Variants in LSM12 observed in about 807,000 individuals in gnomAD.
LSM12 encodes the protein protein LSM12.
For missense variants in LSM12, 108 were observed against 238.9 expected, an observed-to-expected ratio of 0.45 and a Z score of 3.61; for synonymous variants, 74 against 87.3, an observed-to-expected ratio of 0.85 and a Z score of 0.85.
At chr17:44,054,996 G>T (rs747527408) in intron 2 of LSM12, among the ~76,000 whole-genome samples, 3 of 151,744 alleles carry the variant, frequency 2.0e-5, no homozygotes, top group Non-Finnish European at 2.9e-5. Flanking sequence ...GTGCCACCAC[G>T]CCCGGCTAAT....
Position 44,037,423 on chromosome 17 carries a change from C to T in LSM12, c.484G>A (p.Val162Ile), listed in dbSNP as rs1360700538. 1 of 1,594,000 alleles carries T rather than the reference C, an allele frequency of 6.3e-7. No individual in the cohort carries two copies. Among genetic ancestry groups the T allele is most frequent in the Non-Finnish European group, 8.5e-7 (1 of 1,172,422 alleles). The part of the protein sequence containing the change: ...KGKEGSALSH[V>I]RKIVEKHFRD... Reference sequence around the variant, plus strand: ...GCTCCTTTACTTACTATTTTGCGTACATGGCTCAGTGCACTCCCCTCTTTG... The same window carrying T: ...GCTCCTTTACTTACTATTTTGCGTATATGGCTCAGTGCACTCCCCTCTTTG... Residue 162 changes from valine to isoleucine, a missense_variant, in exon 4 of 5, where the codon GTA becomes ATA. Coordinates refer to ENST00000293406, the MANE Select transcript of LSM12 (RefSeq NM_001371445.1).
chr17:44,038,257 G>T (rs1386739752), intron 3 of LSM12, among the ~76,000 whole-genome samples: 1 of 151,330 alleles, frequency 6.6e-6, no homozygotes, highest in Non-Finnish European at 1.5e-5. Context: ...CGGGGGCTGA[G>T]GTGGGAGAAT....
chr17:44,055,262 C>A (rs1299047902), intron 2 of LSM12, among the ~76,000 whole-genome samples: 1 of 152,052 alleles, frequency 6.6e-6, no homozygotes, highest in East Asian at 1.9e-4. Flanking sequence ...TTCCCACATT[C>A]ACATACCTTC....
intron 3 of LSM12, among the ~76,000 whole-genome samples, chr17:44,038,911 C>T (rs1288020109): frequency 6.6e-6 from 1 of 151,444 alleles, no homozygotes; most frequent in Admixed American, 6.6e-5. Flanking sequence ...TGCCAGCTGC[C>T]ATCTGTGCAC....
chr17:44,041,010 T>TACATAC (rs1359322414), intron 2 of LSM12, among the ~76,000 whole-genome samples: 1 of 148,556 alleles, frequency 6.7e-6, no homozygotes, highest in Non-Finnish European at 1.5e-5. Flanking sequence ...CAAAAAAAAA[T>TACATAC]ACATACACAT....
In LSM12 at chr17:44,036,320, C is replaced by A. The variant is rs1408379046; in HGVS notation, c.496-20G>T. On this transcript the variant is annotated intron_variant, in intron 4 of 4. Coordinates refer to ENST00000293406, the MANE Select transcript of LSM12 (RefSeq NM_001371445.1). ...TTCAACCTGAAAAAGACCAGGCAACCCAGGTCAACAAAGGAGATGCGGAAG... is the reference window on the plus strand; with the variant it reads ...TTCAACCTGAAAAAGACCAGGCAACACAGGTCAACAAAGGAGATGCGGAAG... 1 of 1,613,940 alleles carries A rather than the reference C, an allele frequency of 6.2e-7. No individual in the cohort carries two copies. The highest frequency in any genetic ancestry group is 1.7e-5 in the Admixed American group (1 of 60,002).
At chr17:44,063,754 A>G in intron 2 of LSM12, 47 bp downstream of exon 2, 1 of 1,577,652 alleles carries the variant, frequency 6.3e-7, no homozygotes, top group South Asian at 1.2e-5. Context: ...AATGAGACTC[A>G]TCTTTCCCAC....
intron 2 of LSM12, among the ~76,000 whole-genome samples, chr17:44,060,376 A>T (rs1321053332): frequency 1.3e-5 from 2 of 152,184 alleles, no homozygotes; most frequent in Non-Finnish European, 2.9e-5. Context: ...ACATGTTAAT[A>T]GCTGCCCGAA....
chr17:44,041,911 G>A (rs2049499958), intron 2 of LSM12, among the ~76,000 whole-genome samples: 1 of 152,230 alleles, frequency 6.6e-6, no homozygotes, highest in African/African-American at 2.4e-5. Context: ...AACATGAACA[G>A]CTGAGTCTAA....
intron 2 of LSM12, among the ~76,000 whole-genome samples, chr17:44,047,026 G>A (rs559120242): frequency 8.6e-5 from 13 of 151,802 alleles, no homozygotes; most frequent in South Asian, 6.3e-4. Flanking sequence ...CACAGCGCCC[G>A]GCCCTAATGT....
intron 2 of LSM12, among the ~76,000 whole-genome samples, chr17:44,042,660 G>A (rs1182172401): frequency 6.6e-6 from 1 of 150,886 alleles, no homozygotes; most frequent in Non-Finnish European, 1.5e-5. Context: ...CACCTCCCAG[G>A]TTCACGTCAT....
Position 44,046,763 on chromosome 17 carries a change from T to C in LSM12, c.259-6507A>G, listed in dbSNP as rs1341272022. ...AACTGTTTTCTTTTTTTTTTTCTTT[T>C]TTTTTTTTTTTTGCTGGAGTGCAAT... On this transcript the variant is annotated intron_variant, in intron 2 of 4. Transcript: ENST00000293406. Among the ~76,000 whole-genome samples, 6 of 141,754 alleles carry C rather than the reference T, an allele frequency of 4.2e-5. No individual in the cohort carries two copies. The South Asian group carries it at 1.1e-3, about 27-fold the overall frequency. 93.0% of individuals were successfully genotyped at this position (141,754 alleles called of 152,430 possible).
chr17:44,049,867 A>C (rs928692603), intron 2 of LSM12, among the ~76,000 whole-genome samples: 2 of 152,150 alleles, frequency 1.3e-5, no homozygotes, highest in Non-Finnish European at 2.9e-5. Flanking sequence ...TACTGACTCC[A>C]ATGAGCCACT....
intron 2 of LSM12, among the ~76,000 whole-genome samples, chr17:44,058,985 A>G (rs542970266): frequency 6.6e-6 from 1 of 152,186 alleles, no homozygotes; most frequent in South Asian, 2.1e-4. Context: ...GCCTGGGCAC[A>G]GTGCGAGACT....
intron 2 of LSM12, among the ~76,000 whole-genome samples, chr17:44,041,302 C>CACACACACACACACACAA (rs2049488142): frequency 7.8e-6 from 1 of 127,424 alleles, no homozygotes; most frequent in Non-Finnish European, 1.7e-5. Flanking sequence ...CACACACACA[C>CACACACACACACACACAA]ACACACACAC....
chr17:44,051,389 CAAAAAA>C (rs57974319), intron 2 of LSM12, among the ~76,000 whole-genome samples: 1 of 114,954 alleles, frequency 8.7e-6, no homozygotes, highest in African/African-American at 4.1e-5. Flanking sequence ...GACTCCGTCT[CAAAAAA>C]AAAAAAAAAA....
chr17:44,044,538 A>G (rs1022165581), intron 2 of LSM12, among the ~76,000 whole-genome samples: 8 of 152,198 alleles, frequency 5.3e-5, no homozygotes, highest in Non-Finnish European at 8.8e-5. Context: ...TTTGCCCCCA[A>G]TATACTCAAC....
At chr17:44,067,475 T>C (rs1043670724), upstream of LSM12, 4 of 152,232 alleles carry the variant, frequency 2.6e-5, no homozygotes, top group Non-Finnish European at 4.4e-5. Context: ...ATTTGTATTG[T>C]CACTTCTTGA....
chr17:44,064,168 T>G (rs988279290), intron 1 of LSM12, among the ~76,000 whole-genome samples: 2 of 152,206 alleles, frequency 1.3e-5, no homozygotes, highest in African/African-American at 4.8e-5. Flanking sequence ...ACTGGCTTTA[T>G]GGAGAGGCAT....
Sources: gnomAD v4.1 joint callset for allele counts (sites outside exome capture counted in the v4.1 genomes callset) on GRCh38, gnomAD v4.1.1 for gene constraint, MANE v1.5 for transcripts, NCBI Gene and HGNC (gene_info 2026-07-23, HGNC 2026-07-21) for gene names.